The following PTPN12 variants were observed in gnomAD, a reference collection of about 807,000 sequenced individuals.
PTPN12 encodes protein tyrosine phosphatase non-receptor type 12, also known as tyrosine-protein phosphatase non-receptor type 12.
In PTPN12, 29 loss-of-function variants were observed where a neutral mutation model predicts 97.6. The ratio of observed to expected loss-of-function variants is 0.30; its 90% CI spans 0.22 to 0.41. The LOEUF (loss-of-function observed/expected upper bound fraction) is 0.41. Among genes scored for constraint, PTPN12 ranks in the 10% least tolerant of loss-of-function variants. The probability of loss-of-function intolerance (pLI) is 1.00; values close to 1 mark genes in which losing one functional copy is unlikely to be tolerated. For synonymous variants in PTPN12, 327 were observed against 300.4 expected (o/e 1.09, Z -0.91); for missense variants, 819 against 926.0 (o/e 0.88, Z 1.50).
chr7:77,585,072 A>G (rs575105751), intron 4 of PTPN12: 19 of 152,582 alleles, frequency 1.2e-4, no homozygotes, highest in African/African-American at 4.6e-4. Context: ...TACAATGTTT[A>G]CTGTAAAATT....
chr7:77,549,368 A>G (rs1807369339), intron 1 of PTPN12, among the ~76,000 whole-genome samples: 1 of 152,170 alleles, frequency 6.6e-6, no homozygotes, highest in South Asian at 2.1e-4. Context: ...TGAGAGAACA[A>G]TTTGTTGGCT....
At chr7:77,590,572 T>G (rs78979765) in intron 5 of PTPN12, among the ~76,000 whole-genome samples, 1 of 151,164 alleles carries the variant, frequency 6.6e-6, no homozygotes, top group East Asian at 1.9e-4. Flanking sequence ...TTTTTTTTTT[T>G]TGTGGGGAGA....
At chr7:77,579,943 C>T (rs527547625) in intron 2 of PTPN12, among the ~76,000 whole-genome samples, 16 of 152,180 alleles carry the variant, frequency 1.1e-4, no homozygotes, top group Non-Finnish European at 1.9e-4. Flanking sequence ...TACCCAGTCA[C>T]CCTTATTACA....
chr7:77,607,600 AAAT>A (rs1788417948), intron 9 of PTPN12, among the ~76,000 whole-genome samples: 1 of 152,214 alleles, frequency 6.6e-6, no homozygotes, highest in Admixed American at 6.5e-5. Flanking sequence ...TGATTATAAA[AAAT>A]AAAGGTGGAG....
chr7:77,634,095 G>A (rs1789500513), intron 14 of PTPN12, among the ~76,000 whole-genome samples: 1 of 152,090 alleles, frequency 6.6e-6, no homozygotes, highest in African/African-American at 2.4e-5. Flanking sequence ...TGCTACTCAG[G>A]AGGCTGAAGA....
chr7:77,637,152 G>T, intron 16 of PTPN12, 104 bp downstream of exon 16: 1 of 926,062 alleles, frequency 1.1e-6, no homozygotes. Context: ...ATTTCTGTAT[G>T]TGAAAATGTC....
intron 12 of PTPN12, among the ~76,000 whole-genome samples, chr7:77,623,643 G>A (rs1345168247): frequency 2.0e-5 from 3 of 152,148 alleles, no homozygotes; most frequent in Non-Finnish European, 2.9e-5. Context: ...CCTGGGAGGC[G>A]GCGGAGGTTG....
At chr7:77,611,981 ATT>A (rs370589017) in intron 11 of PTPN12, among the ~76,000 whole-genome samples, 13 of 140,000 alleles carry the variant, frequency 9.3e-5, no homozygotes, top group African/African-American at 1.8e-4. Context: ...AGGTGCTGAG[ATT>A]TTTTTTTTTT....
intron 12 of PTPN12, among the ~76,000 whole-genome samples, chr7:77,620,813 T>C (rs2151386645): frequency 6.6e-6 from 1 of 152,204 alleles, no homozygotes; most frequent in South Asian, 2.1e-4. Flanking sequence ...CCAGGCGTGG[T>C]GGCACGCGCC....
At position 77,639,799 on chromosome 7, in the gene PTPN12, G is replaced by A. The variant is rs1789732410; in HGVS notation, c.*519G>A. 6.6e-6 allele frequency: 1 copy of A among 152,664 alleles called. No individual in the cohort carries two copies. Among genetic ancestry groups the A allele is most frequent in the South Asian group, 2.1e-4 (1 of 4,828 alleles). 9.5% of individuals were successfully genotyped at this position (152,664 alleles called of 1,614,324 possible). On this transcript the variant is annotated 3_prime_UTR_variant, in exon 18 of 18. Transcript: ENST00000248594. The stretch of plus-strand genomic sequence containing the variant: ...TGGATTCATGCAGCCAGCTTTGCAG[G>A]TTATCAGAGATCAAAGATTGTAATA...
At position 77,583,527 on chromosome 7, in the gene PTPN12, T is replaced by C. The variant is rs968997827; in HGVS notation, c.286-28T>C. On this transcript the variant is annotated intron_variant, in intron 3 of 17. Transcript: ENST00000248594. ...AAATATTTTTGGTAATCAAAATAAA[T>C]GTGAAATTTGCTTTTAACCATTTTT... 2.0e-5 allele frequency: 27 copies of C among 1,380,464 alleles called. No homozygotes were observed. In the Admixed American group the frequency reaches 4.8e-4, roughly 24 times the overall value. 85.5% of individuals were successfully genotyped at this position (1,380,464 alleles called of 1,614,324 possible).
rs868174342 is a variant in PTPN12, at chr7:77,537,985, G to C, written c.99+340G>C. On this transcript the variant is annotated intron_variant, in intron 1 of 17. Transcript: ENST00000248594. The stretch of plus-strand genomic sequence containing the variant: ...GGCAAGTGAGGTGCAGGCCGGGGGG[G>C]GGGGCTCGCGTTTCCACACCTCCCC... 1.2e-4 allele frequency: 121 copies of C among 995,802 alleles called. 1 individual carries two copies. The South Asian group carries it at 1.3e-3, about 11-fold the overall frequency. 61.7% of individuals were successfully genotyped at this position (995,802 alleles called of 1,614,324 possible).
intron 9 of PTPN12, among the ~76,000 whole-genome samples, chr7:77,610,527 C>T (rs1482629821): frequency 1.3e-5 from 2 of 152,166 alleles, no homozygotes; most frequent in Non-Finnish European, 2.9e-5. Context: ...TCTTTATTCC[C>T]TGTATACTGC....
At chr7:77,571,553 A>G (rs1262757704) in intron 2 of PTPN12, among the ~76,000 whole-genome samples, 1 of 152,224 alleles carries the variant, frequency 6.6e-6, no homozygotes, top group Non-Finnish European at 1.5e-5. Flanking sequence ...ATATCTATAC[A>G]TAAGAACCTT....
chr7:77,634,599 C>G (rs917346627), intron 14 of PTPN12, among the ~76,000 whole-genome samples: 37 of 151,976 alleles, frequency 2.4e-4, no homozygotes, highest in African/African-American at 8.5e-4. Context: ...GCCACCACAC[C>G]CGGCTTATTT....
chr7:77,603,277 C>A (rs1387040798), intron 8 of PTPN12, among the ~76,000 whole-genome samples: 4 of 152,032 alleles, frequency 2.6e-5, no homozygotes, highest in Non-Finnish European at 5.9e-5. Flanking sequence ...ATCATAAATC[C>A]ATTTGTATAG....
chr7:77,625,474 T>TCGCGCGCGCG lies in PTPN12; in HGVS notation c.1026-1230_1026-1229insGCGCGCGCGC, dbSNP rs761174867. Among the ~76,000 whole-genome samples the TCGCGCGCGCG allele has an allele frequency of 3.0e-3, 88 of 29,144 alleles. 8 individuals carry two copies. Among genetic ancestry groups the TCGCGCGCGCG allele is most frequent in the South Asian group, 0.017 (12 of 694 alleles). The allele number at this position is 29,144 out of a possible 152,430, so 19.1% of individuals were successfully genotyped here. A position where few individuals can be genotyped will look rare whatever the true frequency, so the allele number is the denominator to read the frequency against. ...TTGCCATATTGCCCAGGCTGCTCGC[T>TCGCGCGCGCG]CTCTCTCTCTCTCTCTCTCTCTCTC... On this transcript the variant is annotated intron_variant, in intron 12 of 17. Transcript: ENST00000248594.
intron 4 of PTPN12, among the ~76,000 whole-genome samples, chr7:77,584,802 G>A (rs552707029): frequency 2.0e-4 from 30 of 152,058 alleles, no homozygotes; most frequent in African/African-American, 6.8e-4. Flanking sequence ...GCGTGAACCC[G>A]GGAGGCAGCG....
intron 11 of PTPN12, among the ~76,000 whole-genome samples, chr7:77,611,727 C>T (rs1030068499): frequency 4.6e-5 from 7 of 152,306 alleles, no homozygotes; most frequent in African/African-American, 1.2e-4. Context: ...GCTGGGATTA[C>T]AGGCATGAGC....
Sources: gnomAD v4.1 joint callset for allele counts (sites outside exome capture counted in the v4.1 genomes callset) on GRCh38, gnomAD v4.1.1 for gene constraint, MANE v1.5 for transcripts, NCBI Gene and HGNC (gene_info 2026-07-23, HGNC 2026-07-21) for gene names.